TJP2: variants seen among roughly 807,000 people sequenced by gnomAD.
The protein encoded by TJP2 is Friedreich ataxia region gene X104 (tight junction protein ZO-2).
A neutral mutation model predicts 133.1 loss-of-function variants in TJP2; 91 were observed. That is an observed-to-expected ratio of 0.68 (90% confidence interval 0.58 to 0.81). TJP2 has a LOEUF of 0.81. TJP2 is among the 40% of genes least tolerant of loss of function. The pLI is 0.00. For synonymous variants in TJP2, 592 were observed against 583.4 expected (o/e 1.01, Z -0.21); for missense variants, 1,541 against 1,565.6 (o/e 0.98, Z 0.26).
At chr9:69,162,953 C>T (rs112920233) in intron 2 of TJP2, among the ~76,000 whole-genome samples, 5 of 152,214 alleles carry the variant, frequency 3.3e-5, no homozygotes, top group African/African-American at 9.6e-5. Flanking sequence ...ATTGTAAGAC[C>T]AGACCCTTTT....
intron 1 of TJP2, among the ~76,000 whole-genome samples, chr9:69,176,945 G>A (rs1825135885): frequency 6.6e-6 from 1 of 152,142 alleles, no homozygotes; most frequent in South Asian, 2.1e-4. Flanking sequence ...ACTTGGTTGG[G>A]GAGAGGCATG....
intron 11 of TJP2, among the ~76,000 whole-genome samples, chr9:69,232,897 T>G (rs1035781548): frequency 1.3e-5 from 2 of 152,150 alleles, no homozygotes; most frequent in African/African-American, 4.8e-5. Flanking sequence ...AAGACTGTGA[T>G]CGAGACTGAT....
chr9:69,174,844 ACT>A (rs1824949655), intron 1 of TJP2, among the ~76,000 whole-genome samples: 1 of 150,840 alleles, frequency 6.6e-6, no homozygotes, highest in Admixed American at 6.6e-5. Context: ...GAAACTGAAA[ACT>A]CATCACAGAG....
chr9:69,153,815 A>G (rs531500014), intron 2 of TJP2, among the ~76,000 whole-genome samples: 1 of 152,282 alleles, frequency 6.6e-6, no homozygotes, highest in Non-Finnish European at 1.5e-5. Flanking sequence ...CATCAATTTG[A>G]TTGCCTAAGT....
intron 1 of TJP2, among the ~76,000 whole-genome samples, chr9:69,142,184 A>G (rs1431130327): frequency 6.6e-6 from 1 of 152,220 alleles, no homozygotes; most frequent in African/African-American, 2.4e-5. Context: ...GTTATTTCCA[A>G]TAGATACTGG....
intron 1 of TJP2, among the ~76,000 whole-genome samples, chr9:69,127,462 G>A (rs1407461542): frequency 5.3e-5 from 4 of 75,806 alleles, no homozygotes; most frequent in African/African-American, 1.6e-4. Flanking sequence ...GGCTGAGTTG[G>A]GGGATCACTT....
rs765456943 is a variant in TJP2 at position 69,221,192 on chromosome 9, C to T, written c.648C>T (p.Ser216=). The T allele has an allele frequency of 4.6e-5, 74 of 1,600,982 alleles. No homozygotes were observed. The highest frequency in any genetic ancestry group is 6.1e-5 in the Non-Finnish European group (72 of 1,173,842). ...DQDHARTRDR[S]RGRSLERGLD... ...ACCATGCGCGCACCCGAGACCGCAGCCGTGGCCGGAGCCTGGAGCGGGGCC... is the reference window on the plus strand; with the variant it reads ...ACCATGCGCGCACCCGAGACCGCAGTCGTGGCCGGAGCCTGGAGCGGGGCC... The change falls in exon 5 of 23, where the codon AGC becomes AGT. Residue 216 remains serine (S), a synonymous_variant. Coordinates refer to ENST00000377245, the MANE Select transcript of TJP2 (RefSeq NM_004817.4).
At chr9:69,180,597 T>C (rs7018554) in intron 1 of TJP2, among the ~76,000 whole-genome samples, 141,100 of 152,304 alleles carry the variant, frequency 0.93, 65,360 homozygotes, top group Middle Eastern at 0.95. Context: ...ACAATGGGAA[T>C]AGGAGTAAGT....
intron 2 of TJP2, among the ~76,000 whole-genome samples, chr9:69,159,448 AT>A (rs2132844233): frequency 6.6e-6 from 1 of 152,352 alleles, no homozygotes; most frequent in Non-Finnish European, 1.5e-5. Flanking sequence ...TTATGCATAT[AT>A]AAAATTATTT....
chr9:69,231,694 A>G (rs556809211), intron 11 of TJP2, among the ~76,000 whole-genome samples: 2 of 152,226 alleles, frequency 1.3e-5, no homozygotes, highest in African/African-American at 4.8e-5. Flanking sequence ...GCTTTGCAAA[A>G]GCTTTTCAGT....
At chr9:69,179,103 T>C (rs9411195) in intron 1 of TJP2, among the ~76,000 whole-genome samples, 71,343 of 151,984 alleles carry the variant, frequency 0.47, 17,002 homozygotes, top group South Asian at 0.53. Context: ...TGCATGCTCA[T>C]GGCAGGCGAA....
intron 2 of TJP2, among the ~76,000 whole-genome samples, chr9:69,157,464 G>A (rs138450503): frequency 7.3e-6 from 1 of 136,342 alleles, no homozygotes; most frequent in Non-Finnish European, 1.6e-5. Flanking sequence ...GGTGTCTGCA[G>A]AGTTGGTTTT....
At chr9:69,171,337 CA>C (rs1342952658), upstream of TJP2, among the ~76,000 whole-genome samples, 1 of 152,206 alleles carries the variant, frequency 6.6e-6, no homozygotes, top group Non-Finnish European at 1.5e-5. Context: ...TGCATTCCCA[CA>C]AAAATGCATT....
intron 9 of TJP2, 100 bp from the exon 10 acceptor site, chr9:69,229,084 G>A (rs1829566602): frequency 1.9e-6 from 2 of 1,077,352 alleles, no homozygotes; most frequent in Non-Finnish European, 1.4e-6. Context: ...TGACATATGT[G>A]GCATAGACTT....
chr9:69,140,530 T>C (rs953829428), intron 1 of TJP2, among the ~76,000 whole-genome samples: 1 of 152,180 alleles, frequency 6.6e-6, no homozygotes, highest in African/African-American at 2.4e-5. Flanking sequence ...CCAACTGCTG[T>C]ATCTCAACAC....
chr9:69,236,932 C>G lies in TJP2; in HGVS notation c.1992-17C>G. 1 of 1,613,952 alleles carries G rather than the reference C, an allele frequency of 6.2e-7. No homozygotes were observed. Among genetic ancestry groups the G allele is most frequent in the Middle Eastern group, 1.6e-4 (1 of 6,062 alleles). On this transcript the variant is annotated splice_polypyrimidine_tract_variant and intron_variant, in intron 13 of 22. Transcript: ENST00000377245. ...TTTTCTGGCTTTAGAGATTTACTTC[C>G]CGTGGTTTCTTCTCAGAGCTGAACA...
chr9:69,157,605 A>C (rs1273757869), intron 2 of TJP2, among the ~76,000 whole-genome samples: 1 of 151,920 alleles, frequency 6.6e-6, no homozygotes, highest in Non-Finnish European at 1.5e-5. Context: ...AGCTGGGATT[A>C]GAGGCACACG....
chr9:69,212,614 C>A lies in TJP2; in HGVS notation c.114+13C>A. The A allele has an allele frequency of 6.3e-7, 1 of 1,591,988 alleles. No homozygotes were observed. Among genetic ancestry groups the A allele is most frequent in the Non-Finnish European group, 8.6e-7 (1 of 1,160,056 alleles). On this transcript the variant is annotated intron_variant, in intron 2 of 22. Transcript: ENST00000377245. ...GACCCTACAAAAGGTGAGTTCTGCA[C>A]ATTTCATATATTCTACAGTCATGTT...
chr9:69,189,074 GTAGAC>G (rs1238692514), intron 1 of TJP2, among the ~76,000 whole-genome samples: 3 of 152,228 alleles, frequency 2.0e-5, no homozygotes, highest in Admixed American at 2.0e-4. Context: ...TTAATGTGGA[GTAGAC>G]TAGTCAGCTT....
Sources: allele counts gnomAD v4.1 joint callset (sites outside exome capture counted in the v4.1 genomes callset), GRCh38; gene constraint gnomAD v4.1.1; transcripts MANE v1.5; gene names NCBI Gene and HGNC (gene_info 2026-07-23, HGNC 2026-07-21).